SOX6: variants seen among roughly 807,000 people sequenced by gnomAD.
SOX6 encodes SRY-box transcription factor 6, also known as transcription factor SOX-6.
A neutral mutation model predicts 97.8 loss-of-function variants in SOX6; 11 were observed. The observed-to-expected ratio is 0.11, with a 90% confidence interval of 0.07 to 0.19. SOX6 has a LOEUF of 0.19. SOX6 is among the 10% of genes least tolerant of loss of function. The pLI, the probability that SOX6 is intolerant of heterozygous loss-of-function variation, is 1.00. For synonymous variants in SOX6, 360 were observed against 371.4 expected, an observed-to-expected ratio of 0.97 and a Z score of 0.35; for missense variants, 810 against 1,039.5, an observed-to-expected ratio of 0.78 and a Z score of 3.04.
intron 3 of SOX6, among the ~76,000 whole-genome samples, chr11:16,682,352 A>G (rs898876298): frequency 3.9e-5 from 6 of 152,146 alleles, no homozygotes; most frequent in Non-Finnish European, 5.9e-5. Context: ...AATACTGGCA[A>G]ACCAAATCCA....
chr11:16,664,887 A>G (rs577617752), intron 3 of SOX6, among the ~76,000 whole-genome samples: 1 of 151,970 alleles, frequency 6.6e-6, no homozygotes, highest in East Asian at 2.0e-4. Context: ...CAGCAGAGAG[A>G]GTCCTGAGGC....
At chr11:16,320,261 CTATA>C (rs1214876250) in intron 2 of SOX6, among the ~76,000 whole-genome samples, 1 of 152,062 alleles carries the variant, frequency 6.6e-6, no homozygotes, top group African/African-American at 2.4e-5. Context: ...AATTGCTCCT[CTATA>C]TCTTTCCTTC....
intron 6 of SOX6, among the ~76,000 whole-genome samples, chr11:16,117,528 C>A (rs1299571620): frequency 6.6e-6 from 1 of 152,092 alleles, no homozygotes; most frequent in Non-Finnish European, 1.5e-5. Flanking sequence ...CATAGCTTTC[C>A]ATGTATTATA....
chr11:16,435,756 A>C (rs996466289), intron 1 of SOX6, among the ~76,000 whole-genome samples: 1 of 146,150 alleles, frequency 6.8e-6, no homozygotes, highest in Non-Finnish European at 1.5e-5. Flanking sequence ...TCAAATTGGG[A>C]AAAAAAAAAA....
chr11:16,652,898 A>T (rs1421813107), intron 3 of SOX6, among the ~76,000 whole-genome samples: 2 of 152,176 alleles, frequency 1.3e-5, no homozygotes, highest in Non-Finnish European at 2.9e-5. Context: ...ATCTACAAAG[A>T]ACTCAAACAA....
intron 1 of SOX6, among the ~76,000 whole-genome samples, chr11:16,369,036 G>T (rs1857434471): frequency 6.6e-6 from 1 of 152,062 alleles, no homozygotes; most frequent in Non-Finnish European, 1.5e-5. Flanking sequence ...TTCAAGACTA[G>T]CCTGGGCAAC....
chr11:16,714,339 T>C (rs568363364), intron 3 of SOX6, among the ~76,000 whole-genome samples: 1 of 152,210 alleles, frequency 6.6e-6, no homozygotes, highest in African/African-American at 2.4e-5. Context: ...TCATACAATG[T>C]CATGTTCATT....
intron 1 of SOX6, among the ~76,000 whole-genome samples, chr11:16,352,883 A>C (rs1856985824): frequency 6.6e-6 from 1 of 152,064 alleles, no homozygotes; most frequent in South Asian, 2.1e-4. Context: ...TTTAACTGTC[A>C]TTCTGGGCAA....
intron 1 of SOX6, among the ~76,000 whole-genome samples, chr11:16,424,911 T>C (rs946342339): frequency 1.3e-5 from 2 of 152,168 alleles, no homozygotes; most frequent in African/African-American, 4.8e-5. Context: ...ATCAGAAAGA[T>C]ACATTGACTG....
chr11:16,440,611 T>C (rs910946827), intron 1 of SOX6, among the ~76,000 whole-genome samples: 5 of 152,168 alleles, frequency 3.3e-5, no homozygotes, highest in Non-Finnish European at 5.9e-5. Flanking sequence ...GTGTCTAAAA[T>C]AGTACATTTC....
intron 12 of SOX6, 77 bp downstream of exon 12, chr11:16,046,437 C>G: frequency 1.3e-6 from 2 of 1,529,134 alleles, no homozygotes; most frequent in Non-Finnish European, 1.8e-6. Context: ...AGGTTGATAC[C>G]TGGGAGCCTG....
At chr11:16,635,615 T>A (rs1414413699) in intron 3 of SOX6, among the ~76,000 whole-genome samples, 1 of 152,168 alleles carries the variant, frequency 6.6e-6, no homozygotes, top group Admixed American at 6.5e-5. Flanking sequence ...TCTGCATAAG[T>A]AAGAAGGAGC....
At chr11:16,494,040 T>C (rs1033838053) in intron 4 of SOX6, among the ~76,000 whole-genome samples, 4 of 152,160 alleles carry the variant, frequency 2.6e-5, no homozygotes, top group African/African-American at 7.2e-5. Flanking sequence ...AGGTTAAATA[T>C]GTTATAGTAC....
chr11:16,673,754 T>C lies in SOX6; in HGVS notation n.429+41076A>G, dbSNP rs116707792. Among the ~76,000 whole-genome samples, 331 of 152,244 alleles carry C rather than the reference T, an allele frequency of 2.2e-3. 2 individuals carry two copies. The highest frequency in any genetic ancestry group is 6.7e-3 in the African/African-American group (278 of 41,550). ...AGAGGGAATACTTCCAAACTCATTA[T>C]ATGAGGCCAGTATCACCCTGATACC... On this transcript the variant is annotated intron_variant and non_coding_transcript_variant, in intron 3 of 5. Transcript: ENST00000524520.
At chr11:16,203,619 T>C (rs572593409) in intron 4 of SOX6, among the ~76,000 whole-genome samples, 5 of 152,302 alleles carry the variant, frequency 3.3e-5, no homozygotes, top group Admixed American at 6.5e-5. Flanking sequence ...GTTGGAGTTA[T>C]CTGTGCAACT....
At chr11:16,540,583 G>T (rs1341083476) in intron 4 of SOX6, among the ~76,000 whole-genome samples, 1 of 150,470 alleles carries the variant, frequency 6.6e-6, no homozygotes, top group Admixed American at 6.6e-5. Context: ...CATTGTCTCA[G>T]ACCAAAATCT....
intron 9 of SOX6, among the ~76,000 whole-genome samples, chr11:16,073,641 C>T (rs1564939223): frequency 6.6e-6 from 1 of 152,128 alleles, no homozygotes; most frequent in South Asian, 2.1e-4. Flanking sequence ...AATATACATT[C>T]TTCTCATCTG....
chr11:16,367,941 C>G lies in SOX6; in HGVS notation c.-4-26689G>C, dbSNP rs142057310. Among the ~76,000 whole-genome samples, 10 of 152,210 alleles carry G rather than the reference C, an allele frequency of 6.6e-5. No individual in the cohort carries two copies. In the East Asian group the frequency reaches 1.5e-3, roughly 24 times the overall value. On this transcript the variant is annotated intron_variant, in intron 1 of 15. Coordinates refer to the SOX6 transcript ENST00000396356. ...TTGGAAACTGAAACTTTATATAAAA[C>G]AACCTATAACAAAACCAATTTTTTT...
At chr11:16,405,192 G>A (rs1858659124) in intron 1 of SOX6, among the ~76,000 whole-genome samples, 1 of 151,926 alleles carries the variant, frequency 6.6e-6, no homozygotes, top group African/African-American at 2.4e-5. Context: ...AACATGAGAA[G>A]TGCTTTTACC....
Sources: allele counts gnomAD v4.1 joint callset (sites outside exome capture counted in the v4.1 genomes callset), GRCh38; gene constraint gnomAD v4.1.1; transcripts MANE v1.5; gene names NCBI Gene and HGNC (gene_info 2026-07-23, HGNC 2026-07-21).